CDR2: variants seen among roughly 807,000 people sequenced by gnomAD.
CDR2 encodes the protein cerebellar degeneration related protein 2, also known as cerebellar degeneration-related protein 2.
CDR2 carries 34 observed loss-of-function variants against 48.4 expected under a neutral mutation model. The observed-to-expected ratio is 0.70, with a 90% CI of 0.53 to 0.94. The LOEUF (loss-of-function observed/expected upper bound fraction) is 0.94, where lower values mean the gene tolerates loss of function less well. CDR2 is among the 40% of genes least tolerant of loss of function. CDR2 has a pLI of 0.00. For missense variants in CDR2, 498 were observed against 549.5 expected (o/e 0.91, Z 0.94); for synonymous variants, 240 against 219.7 (o/e 1.09, Z -0.82).
Position 22,351,860 on chromosome 16 carries a change from A to C in CDR2, c.193-2011T>G, listed in dbSNP as rs1463620048. 3.9e-5 allele frequency among the ~76,000 whole-genome samples: 6 copies of C among 152,212 alleles called. 1 individual carries two copies. Among genetic ancestry groups the C allele is most frequent in the Admixed American group, 2.0e-4 (3 of 15,284 alleles). ...AGTATATATTCCAAAGGAAAAAGTC[A>C]CAGTATTTCCCTGGACAGAACCAGA... On this transcript the variant is annotated intron_variant, in intron 2 of 4. Transcript: ENST00000268383.
At chr16:22,369,780 G>A (rs1350940996) in intron 1 of CDR2, among the ~76,000 whole-genome samples, 1 of 151,220 alleles carries the variant, frequency 6.6e-6, no homozygotes, top group Non-Finnish European at 1.5e-5. Context: ...GCCCAAGAAA[G>A]TTTTCTAAAT....
chr16:22,349,691 G>C lies in CDR2; in HGVS notation c.341+10C>G, dbSNP rs932138428. ...CCTAGTCCTTCCTTGTCAGATTCTA[G>C]AAAATTTACCTCAGAATCTTTTGCT... is the stretch of plus-strand genomic sequence containing the variant. On this transcript the variant is annotated intron_variant, in intron 3 of 4. Coordinates refer to ENST00000268383, the MANE Select transcript of CDR2 (RefSeq NM_001802.2). 1 of 1,613,352 alleles carries C rather than the reference G, an allele frequency of 6.2e-7. No homozygotes were observed. The highest frequency in any genetic ancestry group is 1.7e-5 in the Admixed American group (1 of 59,884).
chr16:22,349,414 G>A lies in CDR2; in HGVS notation c.371C>T (p.Thr124Ile). 1 of 1,614,148 alleles carries A rather than the reference G, an allele frequency of 6.2e-7. No individual in the cohort carries two copies. The highest frequency in any genetic ancestry group is 1.1e-5 in the South Asian group (1 of 91,084). The part of the protein sequence containing the change: ...SLTETIECLQ[T>I]NIDHLQSQVE... ...TTGGCTCTGGAGGTGATCAATGTTGGTTTGCAGGCATTCAATCGTTTCAGT... is the reference window on the plus strand; with the variant it reads ...TTGGCTCTGGAGGTGATCAATGTTGATTTGCAGGCATTCAATCGTTTCAGT... Residue 124 changes from threonine to isoleucine, a missense_variant, in exon 4 of 5, where the codon ACC becomes ATC. Physicochemically the swap from Thr to Ile is moderately conservative, Grantham distance 89. Coordinates refer to ENST00000268383, the MANE Select transcript of CDR2 (RefSeq NM_001802.2).
Position 22,371,848 on chromosome 16 carries a change from A to ATG in CDR2, c.79+2381_79+2382dup, listed in dbSNP as rs56274013. The stretch of plus-strand genomic sequence containing the variant: ...CAACTGGCAGTAAAGAGGTTCAGAT[A>ATG]TGTGTGTGTGTGTGTGTGTGTGTGT... On this transcript the variant is annotated intron_variant, in intron 1 of 4. Coordinates refer to ENST00000268383, the MANE Select transcript of CDR2 (RefSeq NM_001802.2). 3.8e-3 allele frequency among the ~76,000 whole-genome samples: 571 copies of ATG among 148,546 alleles called. 3 individuals carry two copies. Among genetic ancestry groups the ATG allele is most frequent in the African/African-American group, 0.013 (517 of 40,504 alleles).
intron 2 of CDR2, among the ~76,000 whole-genome samples, chr16:22,352,514 G>A (rs924542462): frequency 2.0e-5 from 3 of 152,014 alleles, no homozygotes; most frequent in East Asian, 3.8e-4. Context: ...ACAACATGGC[G>A]CTCATACCTG....
At chr16:22,361,937 T>C (rs1466646631) in intron 2 of CDR2, among the ~76,000 whole-genome samples, 1 of 145,746 alleles carries the variant, frequency 6.9e-6, no homozygotes, top group East Asian at 2.0e-4. Flanking sequence ...AGTCTCGCTC[T>C]GTCACCCAGG....
In CDR2 at chr16:22,350,736, C is replaced by T. The variant is rs191981039; in HGVS notation, c.193-887G>A. Reference sequence around the variant, plus strand: ...GCATTGTGAGGCTAATTTTCCAAAGCATATACCATGCATAAAATTAATATT... The same window carrying T: ...GCATTGTGAGGCTAATTTTCCAAAGTATATACCATGCATAAAATTAATATT... On this transcript the variant is annotated intron_variant, in intron 2 of 4. Coordinates refer to ENST00000268383, the MANE Select transcript of CDR2 (RefSeq NM_001802.2). Among the ~76,000 whole-genome samples, 4 of 152,228 alleles carry T rather than the reference C, an allele frequency of 2.6e-5. No individual in the cohort carries two copies. In the East Asian group the frequency reaches 7.7e-4, roughly 29 times the overall value.
chr16:22,368,726 TGAAA>T (rs1029759872), intron 1 of CDR2: 14 of 152,340 alleles, frequency 9.2e-5, no homozygotes, highest in Admixed American at 7.8e-4. Flanking sequence ...TTAAGGCAAT[TGAAA>T]GAGAGGTCCG....
In CDR2 at chr16:22,352,487, C is replaced by A. The variant is rs117796518; in HGVS notation, c.193-2638G>T. ...GAAGTCAAAAGTGTTTTGGAAAATT[C>A]TTTAAATTTTAGAAAGACAACATGG... is the stretch of plus-strand genomic sequence containing the variant. On this transcript the variant is annotated intron_variant, in intron 2 of 4. Transcript: ENST00000268383. Among the ~76,000 whole-genome samples, 110 of 151,950 alleles carry A rather than the reference C, an allele frequency of 7.2e-4. No homozygotes were observed. The East Asian group carries it at 0.018, about 25-fold the overall frequency.
At chr16:22,367,690 A>T (rs2049052113) in intron 1 of CDR2, among the ~76,000 whole-genome samples, 1 of 152,212 alleles carries the variant, frequency 6.6e-6, no homozygotes, top group South Asian at 2.1e-4. Context: ...CTTAGCATTG[A>T]GTAAATGGTA....
At chr16:22,373,326 C>T (rs1037942932) in intron 1 of CDR2, among the ~76,000 whole-genome samples, 16 of 152,166 alleles carry the variant, frequency 1.1e-4, no homozygotes, top group African/African-American at 2.9e-4. Context: ...AGAAAAGTGG[C>T]AGAGATAGAT....
rs1405973719 is a variant in CDR2, at chr16:22,347,705, G to C, written c.625C>G (p.Leu209Val). 6.2e-7 allele frequency: 1 copy of C among 1,614,110 alleles called. No homozygotes were observed. Among genetic ancestry groups the C allele is most frequent in the Non-Finnish European group, 8.5e-7 (1 of 1,180,036 alleles). ...KKTVTMLQAQLSLERQKRVTM... is the reference protein window; with the variant it reads ...KKTVTMLQAQVSLERQKRVTM... ...ACCCGCTTCTGCCGCTCCAGGCTCAGCTGGGCCTGCAACATTGTCACTGTT... is the reference window on the plus strand; with the variant it reads ...ACCCGCTTCTGCCGCTCCAGGCTCACCTGGGCCTGCAACATTGTCACTGTT... Residue 209 changes from leucine to valine, a missense_variant, in exon 5 of 5, where the codon CTG becomes GTG. By Grantham distance (32) the Leu-to-Val change is conservative (BLOSUM62 1). Coordinates refer to ENST00000268383, the MANE Select transcript of CDR2 (RefSeq NM_001802.2).
chr16:22,372,170 C>T (rs2049083012), intron 1 of CDR2, among the ~76,000 whole-genome samples: 1 of 151,688 alleles, frequency 6.6e-6, no homozygotes, highest in South Asian at 2.1e-4. Context: ...GCGCCCAGCC[C>T]AGACCTGTGT....
At position 22,346,888 on chromosome 16, in the gene CDR2, A is replaced by C; in HGVS notation, c.*77T>G. ...CGTCATGAGTAACATTAGGCTTCAG[A>C]GTCTACAAACACTTGTCTGAATGGG... On this transcript the variant is annotated 3_prime_UTR_variant, in exon 5 of 5. Transcript: ENST00000268383. The C allele has an allele frequency of 6.9e-7, 1 of 1,452,146 alleles. No individual in the cohort carries two copies. Among genetic ancestry groups the C allele is most frequent in the Non-Finnish European group, 9.4e-7 (1 of 1,061,672 alleles). 90.0% of individuals were successfully genotyped at this position (1,452,146 alleles called of 1,614,324 possible).
At position 22,349,382 on chromosome 16, in the gene CDR2, C is replaced by A. The variant is rs781572672; in HGVS notation, c.403G>T (p.Glu135Ter). Residue 135 changes from glutamate (E) to a stop codon, truncating the protein, a stop_gained, in exon 4 of 5, where the codon GAG becomes TAG. Transcript: ENST00000268383. LOFTEE classifies it high-confidence loss of function. Reference protein sequence around the residue: ...NIDHLQSQVEELKSSGQGRRS... With the variant: ...NIDHLQSQVE ...CTCCCTTGGCCAGATGACTTCAGCT[C>A]CTCCACTTGGCTCTGGAGGTGATCA... 1 of 1,614,158 alleles carries A rather than the reference C, an allele frequency of 6.2e-7. No homozygotes were observed. Among genetic ancestry groups the A allele is most frequent in the South Asian group, 1.1e-5 (1 of 91,080 alleles).
In CDR2 at chr16:22,356,378, G is replaced by A. The variant is rs571206197; in HGVS notation, c.193-6529C>T. On this transcript the variant is annotated intron_variant, in intron 2 of 4. Transcript: ENST00000268383. ...CATGGCTGTAATCCCAGCACTCTGGGAGGCCGAGGTGGGCAGATCACTTGA... is the reference window on the plus strand; with the variant it reads ...CATGGCTGTAATCCCAGCACTCTGGAAGGCCGAGGTGGGCAGATCACTTGA... Among the ~76,000 whole-genome samples the A allele has an allele frequency of 2.2e-4, 34 of 152,334 alleles. No individual in the cohort carries two copies. In the South Asian group the frequency reaches 7.0e-3, roughly 32 times the overall value.
intron 2 of CDR2, among the ~76,000 whole-genome samples, chr16:22,362,191 G>A (rs556332689): frequency 1.6e-4 from 24 of 152,234 alleles, no homozygotes; most frequent in East Asian, 3.9e-4. Context: ...GTGAGCCACC[G>A]CACCCGGCTG....
chr16:22,353,535 T>A (rs972429640), intron 2 of CDR2, among the ~76,000 whole-genome samples: 1 of 152,122 alleles, frequency 6.6e-6, no homozygotes, highest in Non-Finnish European at 1.5e-5. Context: ...GGTTCCTGCC[T>A]CCTCCCTCTC....
In CDR2 at chr16:22,346,720, C is replaced by G; in HGVS notation, c.*245G>C. On this transcript the variant is annotated 3_prime_UTR_variant, in exon 5 of 5. Transcript: ENST00000268383. ...ACTGGTCCTTTTCAGGAACTGAAGT[C>G]TAATCAGCGCGCCAGCCAGAGGCCA... The G allele has an allele frequency of 3.9e-6, 2 of 511,294 alleles. No homozygotes were observed. The highest frequency in any genetic ancestry group is 5.0e-5 in the South Asian group (2 of 39,860). 31.7% of individuals were successfully genotyped at this position (511,294 alleles called of 1,614,324 possible).
Sources: gnomAD v4.1 joint callset for allele counts (sites outside exome capture counted in the v4.1 genomes callset) on GRCh38, gnomAD v4.1.1 for gene constraint, MANE v1.5 for transcripts, NCBI Gene and HGNC (gene_info 2026-07-23, HGNC 2026-07-21) for gene names.